The following ADCY8 variants were observed in gnomAD, a reference collection of about 807,000 sequenced individuals.
ADCY8 encodes adenylate cyclase type 8.
A neutral mutation model predicts 119.7 loss-of-function variants in ADCY8; 51 were observed. The ratio of observed to expected loss-of-function variants is 0.43; its 90% CI spans 0.34 to 0.54. The LOEUF is 0.54. Ranked by LOEUF, ADCY8 falls within the 20% of genes least tolerant of loss-of-function variation. ADCY8 has a pLI of 0.03. For missense variants in ADCY8, 1,383 were observed against 1,598.8 expected (o/e 0.87, Z 2.30); for synonymous variants, 665 against 651.0 (o/e 1.02, Z -0.33).
chr8:131,025,241 A>G (rs763518678), intron 1 of ADCY8, among the ~76,000 whole-genome samples: 1 of 152,178 alleles, frequency 6.6e-6, no homozygotes, highest in Non-Finnish European at 1.5e-5. Context: ...TGCAAGGTAC[A>G]TTTCATTTTT....
chr8:130,786,084 T>A (rs965331829), intron 15 of ADCY8, among the ~76,000 whole-genome samples: 1 of 152,220 alleles, frequency 6.6e-6, no homozygotes, highest in Non-Finnish European at 1.5e-5. Context: ...GAACGCAGCA[T>A]CCCATTCCCA....
chr8:130,979,361 A>G (rs1822169630), intron 2 of ADCY8, among the ~76,000 whole-genome samples: 2 of 152,196 alleles, frequency 1.3e-5, no homozygotes, highest in Non-Finnish European at 1.5e-5. Flanking sequence ...CCACATCACT[A>G]TGTGTATTCC....
rs190893561 is a variant in ADCY8, at chr8:130,857,157, G to T, written c.2211-7354C>A. 8.9e-3 allele frequency among the ~76,000 whole-genome samples: 1,338 copies of T among 150,436 alleles called. 26 individuals are homozygous for T. Among genetic ancestry groups the T allele is most frequent in the African/African-American group, 0.031 (1,270 of 40,756 alleles). On this transcript the variant is annotated intron_variant, in intron 9 of 17. Coordinates refer to ENST00000286355, the MANE Select transcript of ADCY8 (RefSeq NM_001115.3). ...CCTAATGCTAAATGACGAGTTAATG[G>T]GTGCAGCACACCAGCATGGCACATG...
chr8:130,788,801 T>A (rs112040296), intron 15 of ADCY8, among the ~76,000 whole-genome samples: 1 of 152,238 alleles, frequency 6.6e-6, no homozygotes, highest in South Asian at 2.1e-4. Context: ...TAAAAAAATT[T>A]GCAAATTTAT....
intron 15 of ADCY8, among the ~76,000 whole-genome samples, chr8:130,789,537 G>A (rs1268384136): frequency 1.5e-5 from 2 of 136,828 alleles, no homozygotes; most frequent in Admixed American, 7.4e-5. Flanking sequence ...GAAACACTAG[G>A]TGATATTTGG....
intron 14 of ADCY8, 110 bp from the exon 15 acceptor site, chr8:130,800,682 AGAC>A (rs1288372673): frequency 8.2e-7 from 1 of 1,220,902 alleles, no homozygotes; most frequent in Non-Finnish European, 1.2e-6. Flanking sequence ...ACCCACAGAG[AGAC>A]AGAAAATGAG....
chr8:130,956,088 T>C lies in ADCY8; in HGVS notation c.1111-4090A>G, dbSNP rs541446981. On this transcript the variant is annotated intron_variant, in intron 2 of 17. Coordinates refer to ENST00000286355, the MANE Select transcript of ADCY8 (RefSeq NM_001115.3). ...TGAACCAGGGAGGTCGAGACTGCAG[T>C]GAGCTGTGTTTGTGCCACGGCACTC... 1.8e-4 allele frequency among the ~76,000 whole-genome samples: 28 copies of C among 152,250 alleles called. No homozygotes were observed. The East Asian group carries it at 4.6e-3, about 25-fold the overall frequency.
intron 9 of ADCY8, among the ~76,000 whole-genome samples, chr8:130,851,670 T>C (rs1817534221): frequency 1.3e-5 from 2 of 152,132 alleles, no homozygotes. Context: ...AACAGTATGA[T>C]AATTGGGGGG....
At chr8:130,858,427 A>G (rs907750072) in intron 9 of ADCY8, among the ~76,000 whole-genome samples, 2 of 152,094 alleles carry the variant, frequency 1.3e-5, no homozygotes, top group Admixed American at 6.5e-5. Flanking sequence ...CTGTCCCTCA[A>G]TTGAGATTTG....
chr8:131,040,126 C>T lies in ADCY8; in HGVS notation c.208G>A (p.Asp70Asn). 1 of 1,531,766 alleles carries T rather than the reference C, an allele frequency of 6.5e-7. No homozygotes were observed. The highest frequency in any genetic ancestry group is 8.7e-7 in the Non-Finnish European group (1 of 1,145,206). 94.9% of individuals were successfully genotyped at this position (1,531,766 alleles called of 1,614,324 possible). ...TGGTTGGGGCCGCCGCCCGCAGGGT[C>T]CGAGGCTTTGCCCGAGCCTCCACTC... ...SGSGGSGKAS[D>N]PAGGGPNHHA... The change falls in exon 1 of 18, where the codon GAC becomes AAC. Residue 70 changes from aspartate to asparagine, a missense_variant. This residue lies in a region of ADCY8 where 455 missense variants were observed against 435.3 expected (regional missense o/e 1.05). Coordinates refer to ENST00000286355, the MANE Select transcript of ADCY8 (RefSeq NM_001115.3).
At chr8:130,992,677 A>C (rs1831322) in intron 1 of ADCY8, among the ~76,000 whole-genome samples, 1 of 151,180 alleles carries the variant, frequency 6.6e-6, no homozygotes, top group African/African-American at 2.4e-5. Flanking sequence ...GGCCTCCCAA[A>C]GTGCTGGGAT....
At chr8:131,033,275 A>C (rs1160262259) in intron 1 of ADCY8, among the ~76,000 whole-genome samples, 2 of 152,248 alleles carry the variant, frequency 1.3e-5, no homozygotes, top group African/African-American at 2.4e-5. Flanking sequence ...GTAAAATGTC[A>C]CATCAGCATG....
intron 13 of ADCY8, among the ~76,000 whole-genome samples, chr8:130,816,582 C>T (rs1213417353): frequency 2.0e-5 from 3 of 151,888 alleles, no homozygotes; most frequent in South Asian, 2.1e-4. Context: ...CCTGCCACCA[C>T]GCCCAGCTAA....
chr8:130,927,686 A>G (rs1820513286), intron 5 of ADCY8, among the ~76,000 whole-genome samples: 1 of 149,806 alleles, frequency 6.7e-6, no homozygotes, highest in African/African-American at 2.5e-5. Flanking sequence ...TTTAATTCTA[A>G]CCATTTTTTT....
intron 2 of ADCY8, among the ~76,000 whole-genome samples, chr8:130,960,699 T>C (rs1586608611): frequency 2.0e-5 from 3 of 151,904 alleles, no homozygotes; most frequent in Admixed American, 2.0e-4. Flanking sequence ...AACACTAAAG[T>C]AGATTGAATA....
At chr8:130,824,770 A>G (rs758605954) in intron 12 of ADCY8, among the ~76,000 whole-genome samples, 3 of 152,212 alleles carry the variant, frequency 2.0e-5, no homozygotes, top group Admixed American at 1.3e-4. Context: ...TAAAATGAAA[A>G]TGCAGGGGTT....
chr8:131,036,735 A>T (rs894549535), intron 1 of ADCY8, among the ~76,000 whole-genome samples: 1 of 152,228 alleles, frequency 6.6e-6, no homozygotes, highest in Non-Finnish European at 1.5e-5. Context: ...ACTTGGGAAA[A>T]GTTGCTCTAG....
chr8:130,826,449 G>A (rs1328768948), intron 12 of ADCY8, among the ~76,000 whole-genome samples: 1 of 152,028 alleles, frequency 6.6e-6, no homozygotes. Flanking sequence ...TCCACCACAT[G>A]GCTTCTAGAT....
At chr8:130,922,097 C>A (rs1304216303) in intron 5 of ADCY8, among the ~76,000 whole-genome samples, 2 of 152,140 alleles carry the variant, frequency 1.3e-5, no homozygotes, top group Non-Finnish European at 2.9e-5. Context: ...ATGCCCTGTG[C>A]CTCCTTGCGC....
Sources: allele counts gnomAD v4.1 joint callset (sites outside exome capture counted in the v4.1 genomes callset), GRCh38; gene constraint gnomAD v4.1.1; regional missense constraint gnomAD v4.1.1; transcripts MANE v1.5; gene names NCBI Gene and HGNC (gene_info 2026-07-23, HGNC 2026-07-21).